Variants in ACYP2 observed in about 807,000 individuals in gnomAD.
The protein encoded by ACYP2 is acylphosphatase-2.
ACYP2 carries 12 observed loss-of-function variants against 11.2 expected under a neutral mutation model. The ratio of observed to expected loss-of-function variants is 1.08; its 90% confidence interval spans 0.69 to 1.74. The LOEUF is 1.74. Ranked by LOEUF, ACYP2 falls within the 40% of genes most tolerant of loss-of-function variation. ACYP2 has a pLI of 0.00. For synonymous variants in ACYP2, 43 were observed against 32.2 expected, an observed-to-expected ratio of 1.33 and a Z score of -1.13; for missense variants, 134 against 101.9, an observed-to-expected ratio of 1.31 and a Z score of -1.35.
At chr2:53,979,601 T>A (rs1364930061) in intron 2 of ACYP2, among the ~76,000 whole-genome samples, 1 of 150,620 alleles carries the variant, frequency 6.6e-6, no homozygotes, top group Non-Finnish European at 1.5e-5. Context: ...CACTCCAGCC[T>A]GGCAACAGAG....
intron 4 of ACYP2, among the ~76,000 whole-genome samples, chr2:54,097,325 G>A (rs528450908): frequency 1.3e-5 from 2 of 152,290 alleles, no homozygotes; most frequent in South Asian, 4.2e-4. Flanking sequence ...TGAGGACAGG[G>A]ACTTTGATCT....
chr2:54,183,729 C>G (rs843675), intron 6 of ACYP2, among the ~76,000 whole-genome samples: 79,748 of 151,984 alleles, frequency 0.52, 21,242 homozygotes, highest in East Asian at 0.7. Flanking sequence ...GATATCTCAA[C>G]TTGTCTATTG....
At chr2:53,987,253 TG>T (rs1558454419) in intron 2 of ACYP2, among the ~76,000 whole-genome samples, 2 of 151,998 alleles carry the variant, frequency 1.3e-5, no homozygotes, top group African/African-American at 4.8e-5. Context: ...ATCTGGGAGA[TG>T]GTTACATGAG....
intron 6 of ACYP2, among the ~76,000 whole-genome samples, chr2:54,139,582 T>C (rs1681483050): frequency 6.6e-6 from 1 of 152,244 alleles, no homozygotes; most frequent in African/African-American, 2.4e-5. Flanking sequence ...TTGGGCAATA[T>C]GCTAAGTACC....
chr2:54,272,562 A>T (rs1439255542), intron 6 of ACYP2, among the ~76,000 whole-genome samples: 1 of 152,244 alleles, frequency 6.6e-6, no homozygotes, highest in African/African-American at 2.4e-5. Flanking sequence ...GATCTTAGAA[A>T]TAGCAAACGA....
chr2:53,971,580 A>G (rs1007185944), intron 1 of ACYP2, among the ~76,000 whole-genome samples: 4 of 152,168 alleles, frequency 2.6e-5, no homozygotes, highest in African/African-American at 2.4e-5. Context: ...AGTTTAGGCT[A>G]TTGAGATAGA....
chr2:54,224,129 A>ATTAT (rs1187331080), intron 6 of ACYP2, among the ~76,000 whole-genome samples: 1 of 152,122 alleles, frequency 6.6e-6, no homozygotes, highest in Non-Finnish European at 1.5e-5. Context: ...CCTAGATCAA[A>ATTAT]TTATTTTGAT....
intron 2 of ACYP2, among the ~76,000 whole-genome samples, chr2:54,032,423 A>T (rs190182619): frequency 7.2e-5 from 11 of 152,298 alleles, no homozygotes; most frequent in Non-Finnish European, 1.3e-4. Flanking sequence ...TTTGTCAAAG[A>T]TCAGATGGTT....
chr2:54,300,908 G>A (rs1558679181), intron 6 of ACYP2, among the ~76,000 whole-genome samples: 1 of 152,170 alleles, frequency 6.6e-6, no homozygotes, highest in Non-Finnish European at 1.5e-5. Flanking sequence ...AGTGACAGAT[G>A]GTGGCTTATT....
At chr2:54,201,303 C>T (rs1684746926) in intron 6 of ACYP2, among the ~76,000 whole-genome samples, 1 of 151,946 alleles carries the variant, frequency 6.6e-6, no homozygotes, top group Non-Finnish European at 1.5e-5. Context: ...GATGGGGTTT[C>T]ACCATGTTAG....
chr2:54,298,770 G>C (rs1375624290), intron 6 of ACYP2, among the ~76,000 whole-genome samples: 1 of 152,230 alleles, frequency 6.6e-6, no homozygotes, highest in Non-Finnish European at 1.5e-5. Flanking sequence ...TTTGTTTTGA[G>C]ACAGTCTTAC....
intron 6 of ACYP2, among the ~76,000 whole-genome samples, chr2:54,148,190 GT>G (rs1272070334): frequency 6.6e-6 from 1 of 152,058 alleles, no homozygotes; most frequent in African/African-American, 2.4e-5. Flanking sequence ...CTCAAATAGG[GT>G]CATATGGTTA....
At chr2:53,996,348 T>G (rs959251132) in intron 2 of ACYP2, among the ~76,000 whole-genome samples, 36 of 151,590 alleles carry the variant, frequency 2.4e-4, no homozygotes, top group Non-Finnish European at 5.0e-4. Context: ...CTATGAGAGA[T>G]AAAAAAGGAG....
In ACYP2 at chr2:54,255,574, G is replaced by A. The variant is rs760017792; in HGVS notation, c.405-49114G>A. ...GTGGAGACCCACGTTCAGGGGCCCG[G>A]GCCCGGGCCCAGGCCCTGCCTCCCT... On this transcript the variant is annotated intron_variant, in intron 6 of 6. Coordinates refer to ENST00000607452, the MANE Select transcript of ACYP2 (RefSeq NM_001320586.2). 1.8e-5 allele frequency: 29 copies of A among 1,612,644 alleles called. No homozygotes were observed. The highest frequency in any genetic ancestry group is 2.4e-5 in the Non-Finnish European group (28 of 1,179,564).
Position 53,991,605 on chromosome 2 carries a change from A to G in ACYP2, c.62+17795A>G, listed in dbSNP as rs1573463265. ...TTTTTAGTAGAGACAGGGTTTCTCC[A>G]TGTTGGTCAGGTTGGTGTCGAACTC... is the stretch of plus-strand genomic sequence containing the variant. On this transcript the variant is annotated intron_variant, in intron 2 of 6. Transcript: ENST00000607452. Among the ~76,000 whole-genome samples the G allele has an allele frequency of 2.0e-5, 3 of 151,954 alleles. No individual in the cohort carries two copies. In the South Asian group the frequency reaches 6.3e-4, roughly 32 times the overall value.
chr2:53,989,194 C>T (rs368002450), intron 2 of ACYP2, among the ~76,000 whole-genome samples: 2 of 151,638 alleles, frequency 1.3e-5, no homozygotes, highest in South Asian at 4.2e-4. Flanking sequence ...CTGGCACCAT[C>T]GACTATTGTG....
chr2:54,249,505 C>T (rs1315058746), intron 6 of ACYP2, among the ~76,000 whole-genome samples: 3 of 151,674 alleles, frequency 2.0e-5, no homozygotes, highest in Non-Finnish European at 4.4e-5. Context: ...CATTTACATG[C>T]TCTGGCCATG....
intron 6 of ACYP2, among the ~76,000 whole-genome samples, chr2:54,267,517 G>A (rs919626387): frequency 6.6e-6 from 1 of 152,116 alleles, no homozygotes; most frequent in Admixed American, 6.5e-5. Context: ...GGTTACTAGT[G>A]ACCAATTGTT....
At chr2:54,223,372 C>G (rs1046001261) in intron 6 of ACYP2, among the ~76,000 whole-genome samples, 1 of 152,182 alleles carries the variant, frequency 6.6e-6, no homozygotes, top group Non-Finnish European at 1.5e-5. Context: ...ATTTTAGTTA[C>G]TTCCTACCTC....
Sources: allele counts gnomAD v4.1 joint callset (sites outside exome capture counted in the v4.1 genomes callset), GRCh38; gene constraint gnomAD v4.1.1; transcripts MANE v1.5; gene names NCBI Gene and HGNC (gene_info 2026-07-23, HGNC 2026-07-21).